Variants in TIPARP observed in about 807,000 individuals in gnomAD.
TIPARP encodes protein mono-ADP-ribosyltransferase TIPARP.
TIPARP carries 12 observed loss-of-function variants against 56.5 expected under a neutral mutation model. That is an observed-to-expected ratio of 0.21 (90% CI 0.14 to 0.34). TIPARP has a LOEUF of 0.34. Among genes scored for constraint, TIPARP ranks in the 10% least tolerant of loss-of-function variants. The pLI is 1.00. For synonymous variants in TIPARP, 296 were observed against 265.7 expected, an observed-to-expected ratio of 1.11 and a Z score of -1.11; for missense variants, 604 against 781.6, an observed-to-expected ratio of 0.77 and a Z score of 2.71.
intron 2 of TIPARP, among the ~76,000 whole-genome samples, chr3:156,687,218 G>A (rs977365106): frequency 6.6e-6 from 1 of 152,166 alleles, no homozygotes; most frequent in Admixed American, 6.5e-5. Flanking sequence ...TGCCTTCTGT[G>A]ATCTTAGGAC....
intron 2 of TIPARP, among the ~76,000 whole-genome samples, chr3:156,684,956 A>G (rs1722396374): frequency 1.3e-5 from 2 of 152,206 alleles, no homozygotes; most frequent in Admixed American, 1.3e-4. Context: ...TGAATTTGAA[A>G]TTACAAGTGG....
chr3:156,691,746 T>C (rs571525381), intron 2 of TIPARP, among the ~76,000 whole-genome samples: 1 of 152,136 alleles, frequency 6.6e-6, no homozygotes, highest in Non-Finnish European at 1.5e-5. Context: ...AAAAGATAAT[T>C]TAATGTTTTT....
rs1291975962 is a variant in TIPARP at position 156,704,766 on chromosome 3, G to C, written c.1609G>C (p.Asp537His). The C allele has an allele frequency of 6.2e-7, 1 of 1,614,218 alleles. No homozygotes were observed. Among genetic ancestry groups the C allele is most frequent in the Admixed American group, 1.7e-5 (1 of 60,032 alleles). ...ACATTTATTTCATGGAACATCCCAGGATGTGGTAGATGGAATCTGCAAACA... is the reference window on the plus strand; with the variant it reads ...ACATTTATTTCATGGAACATCCCAGCATGTGGTAGATGGAATCTGCAAACA... ...ERHLFHGTSQ[D>H]VVDGICKHNF... is the part of the protein sequence containing the mutation. Residue 537 changes from aspartate (D) to histidine (H), a missense_variant, in exon 6 of 6, where the codon GAT (aspartate) becomes CAT (histidine). Coordinates refer to ENST00000295924, the MANE Select transcript of TIPARP (RefSeq NM_015508.5).
At chr3:156,675,922 C>T (rs1342798402) in intron 1 of TIPARP, 1 of 152,396 alleles carries the variant, frequency 6.6e-6, no homozygotes, top group African/African-American at 2.4e-5. Flanking sequence ...TTCTCTGCTT[C>T]TTCCTCCCAG....
intron 1 of TIPARP, among the ~76,000 whole-genome samples, chr3:156,676,081 C>T (rs1196147008): frequency 6.6e-6 from 1 of 152,128 alleles, no homozygotes; most frequent in African/African-American, 2.4e-5. Context: ...AGAGAGTGTG[C>T]GCGTGGGGAA....
rs1379855861 is a variant in TIPARP at position 156,695,901 on chromosome 3, G to A, written c.1123G>A (p.Gly375Ser). Residue 375 changes from glycine (G) to serine (S), a missense_variant, in exon 4 of 6, where the codon GGT (glycine) becomes AGT (serine). Gly to Ser is a moderately conservative substitution (Grantham distance 56, BLOSUM62 0). This residue lies in a region of TIPARP where 252 missense variants were observed against 303.9 expected (regional missense o/e 0.83). Coordinates refer to ENST00000295924, the MANE Select transcript of TIPARP (RefSeq NM_015508.5). ...IRLIEEANSRGLKEVRFMMWN... is the reference protein window; with the variant it reads ...IRLIEEANSRSLKEVRFMMWN... ...ATTGATTGAAGAAGCCAACTCTCGG[G>A]GTCTGAAAGAGGTTCGATTTATGAT... The A allele has an allele frequency of 6.3e-7, 1 of 1,596,054 alleles. No homozygotes were observed. Among genetic ancestry groups the A allele is most frequent in the South Asian group, 1.1e-5 (1 of 89,184 alleles).
chr3:156,684,421 G>T (rs1429651690), intron 2 of TIPARP, among the ~76,000 whole-genome samples: 1 of 152,162 alleles, frequency 6.6e-6, no homozygotes, highest in African/African-American at 2.4e-5. Context: ...ATTTCTAGGA[G>T]CAAACAAGCC....
intron 2 of TIPARP, among the ~76,000 whole-genome samples, chr3:156,691,995 T>A (rs1722587977): frequency 6.6e-6 from 1 of 152,154 alleles, no homozygotes; most frequent in African/African-American, 2.4e-5. Flanking sequence ...TAATACAGGC[T>A]TAAACAGAAA....
At chr3:156,681,139 C>G (rs141533224) in intron 2 of TIPARP, 1 of 456,518 alleles carries the variant, frequency 2.2e-6, no homozygotes, top group Non-Finnish European at 4.4e-6. Context: ...ATGCAGATAA[C>G]GGCATGTTGA....
At chr3:156,676,287 C>G (rs1025333378) in intron 1 of TIPARP, among the ~76,000 whole-genome samples, 1 of 152,222 alleles carries the variant, frequency 6.6e-6, no homozygotes, top group Non-Finnish European at 1.5e-5. Context: ...TCTCCTTTTT[C>G]TGCCTTTTCC....
At position 156,688,996 on chromosome 3, in the gene TIPARP, G is replaced by T. The variant is rs1453797576; in HGVS notation, c.918-5024G>T. On this transcript the variant is annotated intron_variant, in intron 2 of 5. Transcript: ENST00000295924. ...GTGTATGGTGAGTCTAGCTGATTAG[G>T]GTGTGTGTTAATTAGTTTGAGGTCA... Among the ~76,000 whole-genome samples, 4 of 152,102 alleles carry T rather than the reference G, an allele frequency of 2.6e-5. No individual in the cohort carries two copies. The East Asian group carries it at 7.7e-4, about 29-fold the overall frequency.
intron 2 of TIPARP, among the ~76,000 whole-genome samples, chr3:156,681,408 C>G (rs1378095330): frequency 6.6e-6 from 1 of 152,294 alleles, no homozygotes; most frequent in African/African-American, 2.4e-5. Context: ...AAATCATTAT[C>G]ATATTCTGTA....
In TIPARP at chr3:156,678,150, G is replaced by A. The variant is rs777557509; in HGVS notation, c.453G>A (p.Val151=). ...CATCAGAAACCCTCAGTGGGACGGTGGCAGATTCCACACCAGCTCACTTCC... is the reference window on the plus strand; with the variant it reads ...CATCAGAAACCCTCAGTGGGACGGTAGCAGATTCCACACCAGCTCACTTCC... The part of the protein sequence containing the change: ...SFPSETLSGT[V]ADSTPAHFQT... The change falls in exon 2 of 6, where the codon GTG becomes GTA. Residue 151 remains valine (V), a synonymous_variant. Transcript: ENST00000295924. 21 of 1,613,868 alleles carry A rather than the reference G, an allele frequency of 1.3e-5. No homozygotes were observed. In the Admixed American group the frequency reaches 3.5e-4, roughly 27 times the overall value.
At chr3:156,678,744 CTG>C (rs1462782546) in intron 2 of TIPARP, 130 bp downstream of exon 2, 4 of 740,266 alleles carry the variant, frequency 5.4e-6, no homozygotes, top group Non-Finnish European at 8.4e-6. Flanking sequence ...ATTCTTTTGA[CTG>C]TGCTGTCCTG....
chr3:156,687,235 C>T (rs1722452896), intron 2 of TIPARP, among the ~76,000 whole-genome samples: 1 of 152,124 alleles, frequency 6.6e-6, no homozygotes, highest in Non-Finnish European at 1.5e-5. Context: ...GGACATGTGA[C>T]TAAACTTGAA....
chr3:156,681,051 T>C, intron 2 of TIPARP: 1 of 433,980 alleles, frequency 2.3e-6, no homozygotes, highest in Non-Finnish European at 4.6e-6. Context: ...AAATTAGGCT[T>C]TTGGGAAGTT....
In TIPARP at chr3:156,697,590, A is replaced by G. The variant is rs555722019; in HGVS notation, c.1247+1565A>G. Among the ~76,000 whole-genome samples, 3 of 152,212 alleles carry G rather than the reference A, an allele frequency of 2.0e-5. No homozygotes were observed. The South Asian group carries it at 6.2e-4, about 32-fold the overall frequency. On this transcript the variant is annotated intron_variant, in intron 4 of 5. Transcript: ENST00000295924. ...CTTCACAGATAATTGTGTTTTTTAC[A>G]AATTGAAGGTCTGTGGCAGCACTAG...
rs935427183 is a variant in TIPARP, at chr3:156,705,796, C to T, written c.*665C>T. On this transcript the variant is annotated 3_prime_UTR_variant, in exon 6 of 6. Transcript: ENST00000295924. ...CAACCATTTGAAAAATTTTTGTCAC[C>T]AGCAAAACTTTTCACTAATTAGTGA... 1 of 152,536 alleles carries T rather than the reference C, an allele frequency of 6.6e-6. No individual in the cohort carries two copies. The highest frequency in any genetic ancestry group is 2.4e-5 in the African/African-American group (1 of 41,416). 9.4% of individuals were successfully genotyped at this position (152,536 alleles called of 1,614,324 possible).
intron 4 of TIPARP, among the ~76,000 whole-genome samples, chr3:156,698,864 A>G (rs1722781033): frequency 6.6e-6 from 1 of 152,212 alleles, no homozygotes; most frequent in Non-Finnish European, 1.5e-5. Context: ...AGGATTTACC[A>G]TTTTAGATGC....
Sources: allele counts gnomAD v4.1 joint callset (sites outside exome capture counted in the v4.1 genomes callset), GRCh38; gene constraint gnomAD v4.1.1; regional missense constraint gnomAD v4.1.1; transcripts MANE v1.5; gene names NCBI Gene and HGNC (gene_info 2026-07-23, HGNC 2026-07-21).